Variants in SNTG2 observed in about 807,000 individuals in gnomAD.
SNTG2 encodes the protein gamma-2-syntrophin.
SNTG2 carries 74 observed loss-of-function variants against 70.9 expected under a neutral mutation model. The observed-to-expected ratio is 1.04, with a 90% CI of 0.86 to 1.27. The LOEUF (loss-of-function observed/expected upper bound fraction) is 1.27, where lower values mean the gene tolerates loss of function less well. Ranked by LOEUF, SNTG2 falls within the 50% of genes most tolerant of loss-of-function variation. The pLI is 0.00. For synonymous variants in SNTG2, 278 were observed against 273.8 expected (o/e 1.02, Z -0.15); for missense variants, 717 against 690.7 (o/e 1.04, Z -0.43).
chr2:986,317 A>G (rs1216044192), intron 1 of SNTG2, among the ~76,000 whole-genome samples: 1 of 152,210 alleles, frequency 6.6e-6, no homozygotes. Flanking sequence ...TTGGGATGCA[A>G]TGACAAAGGT....
At position 1,114,133 on chromosome 2, in the gene SNTG2, C is replaced by T. The variant is rs190328989; in HGVS notation, c.325+15723C>T. Among the ~76,000 whole-genome samples, 1,329 of 149,836 alleles carry T rather than the reference C, an allele frequency of 8.9e-3. 26 individuals carry two copies. The highest frequency in any genetic ancestry group is 0.032 in the African/African-American group (1,272 of 40,338). On this transcript the variant is annotated intron_variant, in intron 4 of 16. Transcript: ENST00000308624. ...AGTCCTTTGAGGAGGATCGTGTGTA[C>T]TAAGTGAGGTTTAACCCTTACGGTC...
chr2:1,015,769 T>C (rs892842504), intron 1 of SNTG2, among the ~76,000 whole-genome samples: 2 of 152,246 alleles, frequency 1.3e-5, no homozygotes, highest in Non-Finnish European at 2.9e-5. Flanking sequence ...ATCAGTTCTC[T>C]AGAAGAATTG....
At chr2:1,140,844 T>TG (rs199746086) in intron 6 of SNTG2, among the ~76,000 whole-genome samples, 4 of 145,894 alleles carry the variant, frequency 2.7e-5, no homozygotes, top group Non-Finnish European at 6.2e-5. Flanking sequence ...TTGACCTAAT[T>TG]GGAAAAAAAA....
chr2:987,892 C>T (rs927169883), intron 1 of SNTG2, among the ~76,000 whole-genome samples: 6 of 152,124 alleles, frequency 3.9e-5, no homozygotes, highest in African/African-American at 7.2e-5. Context: ...CAGCGCTCTC[C>T]GCTCCATTTC....
chr2:1,227,156 T>A (rs1653597324), intron 9 of SNTG2, among the ~76,000 whole-genome samples: 1 of 152,232 alleles, frequency 6.6e-6, no homozygotes, highest in African/African-American at 2.4e-5. Context: ...TTCTGCGGTG[T>A]TTTCTCCTAA....
chr2:1,096,965 G>A (rs1287943812), intron 2 of SNTG2, among the ~76,000 whole-genome samples: 2 of 152,112 alleles, frequency 1.3e-5, no homozygotes, highest in East Asian at 1.9e-4. Context: ...AAGCCAAAAC[G>A]ATCACTCTGT....
intron 14 of SNTG2, among the ~76,000 whole-genome samples, chr2:1,304,691 A>C (rs1680599308): frequency 6.7e-6 from 1 of 150,228 alleles, no homozygotes; most frequent in African/African-American, 2.5e-5. Flanking sequence ...ACCCCACTGC[A>C]CTCCAGCCTG....
At chr2:1,326,022 G>A (rs1197677479) in intron 16 of SNTG2, among the ~76,000 whole-genome samples, 1 of 151,932 alleles carries the variant, frequency 6.6e-6, no homozygotes, top group Admixed American at 6.6e-5. Context: ...TAGTAGAGAT[G>A]GGGTTTCACC....
chr2:1,079,640 G>A lies in SNTG2; in HGVS notation c.73-3878G>A, dbSNP rs182593601. On this transcript the variant is annotated intron_variant, in intron 1 of 16. Coordinates refer to ENST00000308624, the MANE Select transcript of SNTG2 (RefSeq NM_018968.4). Reference sequence around the variant, plus strand: ...TACTATGTTTTATTTGTTAAAGCTCGGCACACCCTTCCCGTGTCCTCGGTC... The same window carrying A: ...TACTATGTTTTATTTGTTAAAGCTCAGCACACCCTTCCCGTGTCCTCGGTC... Among the ~76,000 whole-genome samples the A allele has an allele frequency of 7.8e-4, 119 of 151,810 alleles. 1 individual carries two copies. The highest frequency in any genetic ancestry group is 2.8e-3 in the African/African-American group (115 of 41,404).
chr2:1,360,607 T>C (rs987268895), intron 16 of SNTG2, among the ~76,000 whole-genome samples: 7 of 151,890 alleles, frequency 4.6e-5, no homozygotes, highest in Non-Finnish European at 8.8e-5. Context: ...TAAAAGAGGC[T>C]ACTCTAGTGT....
intron 1 of SNTG2, among the ~76,000 whole-genome samples, chr2:1,071,602 G>GTAAC (rs1663557561): frequency 2.0e-5 from 3 of 151,022 alleles, no homozygotes; most frequent in Admixed American, 6.6e-5. Flanking sequence ...GTATACATAT[G>GTAAC]TAACCTGCAC....
intron 9 of SNTG2, among the ~76,000 whole-genome samples, chr2:1,231,779 A>G (rs1676265423): frequency 1.3e-5 from 2 of 152,188 alleles, no homozygotes; most frequent in Admixed American, 1.3e-4. Flanking sequence ...TGACAAACCC[A>G]GGTGCTGGAA....
chr2:1,095,109 A>C (rs997430953), intron 2 of SNTG2, among the ~76,000 whole-genome samples: 1 of 152,140 alleles, frequency 6.6e-6, no homozygotes, highest in East Asian at 1.9e-4. Flanking sequence ...AGAGAGAGAG[A>C]GAGCGCTGTA....
intron 12 of SNTG2, 144 bp downstream of exon 12, chr2:1,247,587 A>G (rs758013605): frequency 5.0e-5 from 31 of 614,174 alleles, no homozygotes; most frequent in Non-Finnish European, 8.7e-5. Flanking sequence ...GTTGGAAAGG[A>G]TTCTGCTTGT....
intron 4 of SNTG2, among the ~76,000 whole-genome samples, chr2:1,119,519 G>A (rs763715770): frequency 3.4e-5 from 5 of 147,208 alleles, no homozygotes; most frequent in Non-Finnish European, 7.4e-5. Context: ...GTGACATCAA[G>A]AACATAAACT....
chr2:1,040,973 GAC>G (rs1661402742), intron 1 of SNTG2, among the ~76,000 whole-genome samples: 1 of 152,200 alleles, frequency 6.6e-6, no homozygotes, highest in Non-Finnish European at 1.5e-5. Flanking sequence ...AAGTGAATCA[GAC>G]GGCTTTTTGG....
At chr2:1,316,180 C>T (rs765211341) in intron 15 of SNTG2, 85 bp from the exon 16 acceptor site, 31 of 628,956 alleles carry the variant, frequency 4.9e-5, no homozygotes, top group South Asian at 8.7e-5. Flanking sequence ...GTTGATTTAA[C>T]GAGGCTGTTT....
intron 1 of SNTG2, among the ~76,000 whole-genome samples, chr2:1,017,975 C>G (rs976487999): frequency 3.9e-5 from 6 of 152,164 alleles, no homozygotes; most frequent in South Asian, 2.1e-4. Flanking sequence ...CACGCCATCT[C>G]CAGTTGGGTT....
chr2:1,175,146 A>C (rs75978078), intron 8 of SNTG2, among the ~76,000 whole-genome samples: 1,777 of 152,270 alleles, frequency 0.012, 31 homozygotes, highest in African/African-American at 0.04. Flanking sequence ...TGCTTTTATT[A>C]AAGCTGTGAA....
Sources: allele counts gnomAD v4.1 joint callset (sites outside exome capture counted in the v4.1 genomes callset), GRCh38; gene constraint gnomAD v4.1.1; transcripts MANE v1.5; gene names NCBI Gene and HGNC (gene_info 2026-07-23, HGNC 2026-07-21).